The following ASAP1 variants were observed in gnomAD, a reference collection of about 807,000 sequenced individuals.
The protein encoded by ASAP1 is arf-GAP with SH3 domain, ANK repeat and PH domain-containing protein 1.
Under a neutral mutation model 145.2 loss-of-function variants are expected in ASAP1, and 43 were observed. The ratio of observed to expected loss-of-function variants is 0.30; its 90% CI spans 0.23 to 0.38. The LOEUF (loss-of-function observed/expected upper bound fraction) is 0.38, where lower values mean the gene tolerates loss of function less well. ASAP1 is among the 10% of genes least tolerant of loss of function. ASAP1 has a pLI of 1.00. For missense variants in ASAP1, 1,018 were observed against 1,355.3 expected (o/e 0.75, Z 3.91); for synonymous variants, 546 against 515.5 (o/e 1.06, Z -0.80).
At chr8:130,344,549 C>T (rs960580993) in intron 3 of ASAP1, among the ~76,000 whole-genome samples, 4 of 152,166 alleles carry the variant, frequency 2.6e-5, no homozygotes, top group African/African-American at 9.7e-5. Context: ...TGTCGCTCTG[C>T]TATTGCATGT....
At chr8:130,322,738 C>T (rs1043395965) in intron 3 of ASAP1, among the ~76,000 whole-genome samples, 1 of 152,166 alleles carries the variant, frequency 6.6e-6, no homozygotes, top group African/African-American at 2.4e-5. Flanking sequence ...ACAGTCCTTA[C>T]CTAAGTGAGT....
chr8:130,324,865 T>C (rs573215540), intron 3 of ASAP1, among the ~76,000 whole-genome samples: 1 of 152,300 alleles, frequency 6.6e-6, no homozygotes, highest in African/African-American at 2.4e-5. Flanking sequence ...CCTCAGCTAG[T>C]GGCACAGTGC....
At chr8:130,069,126 T>C (rs1480797893) in intron 27 of ASAP1, among the ~76,000 whole-genome samples, 1 of 152,042 alleles carries the variant, frequency 6.6e-6, no homozygotes, top group African/African-American at 2.4e-5. Flanking sequence ...AGGATAAAAC[T>C]AAGAAGAAAA....
chr8:130,243,198 T>C (rs146737386), intron 3 of ASAP1, among the ~76,000 whole-genome samples: 2 of 152,262 alleles, frequency 1.3e-5, no homozygotes, highest in Non-Finnish European at 2.9e-5. Context: ...TCTGATAAGA[T>C]TGATAAAGTA....
At chr8:130,371,008 C>A (rs1827189089) in intron 2 of ASAP1, among the ~76,000 whole-genome samples, 1 of 152,136 alleles carries the variant, frequency 6.6e-6, no homozygotes, top group African/African-American at 2.4e-5. Flanking sequence ...ACACTAAAAA[C>A]CACTGAATTG....
chr8:130,064,659 T>C (rs1379164329), intron 27 of ASAP1, among the ~76,000 whole-genome samples: 10 of 152,018 alleles, frequency 6.6e-5, no homozygotes, highest in African/African-American at 2.2e-4. Flanking sequence ...CCAGGTGTCT[T>C]CCAATCCAAT....
chr8:130,115,561 T>A, intron 23 of ASAP1, 67 bp downstream of exon 23: 2 of 1,219,614 alleles, frequency 1.6e-6, no homozygotes, highest in Non-Finnish European at 2.4e-6. Flanking sequence ...CAAAAATGGA[T>A]CTTGTCTACA....
At chr8:130,134,486 G>A (rs2097589802) in intron 14 of ASAP1, 142 bp from the exon 15 acceptor site, 1 of 482,336 alleles carries the variant, frequency 2.1e-6, no homozygotes, top group Non-Finnish European at 3.6e-6. Flanking sequence ...TATGTGCCAG[G>A]TGCCTTGTGT....
At chr8:130,376,903 C>CAAAAAAAAAAA (rs34006260) in intron 2 of ASAP1, among the ~76,000 whole-genome samples, 1 of 26,004 alleles carries the variant, frequency 3.8e-5, no homozygotes, top group African/African-American at 1.1e-4. Flanking sequence ...AACTCCATCT[C>CAAAAAAAAAAA]AAAAAAAAAA....
intron 3 of ASAP1, among the ~76,000 whole-genome samples, chr8:130,250,802 G>C (rs1466427153): frequency 6.6e-6 from 1 of 152,060 alleles, no homozygotes; most frequent in African/African-American, 2.4e-5. Flanking sequence ...TTCCTACCCT[G>C]TGATTTGTAG....
intron 3 of ASAP1, among the ~76,000 whole-genome samples, chr8:130,273,361 A>G (rs1820694651): frequency 6.6e-6 from 1 of 152,194 alleles, no homozygotes; most frequent in South Asian, 2.1e-4. Flanking sequence ...GGTCCCTCCC[A>G]AGGCAGGGTC....
chr8:130,313,906 TCTC>T (rs971142280), intron 3 of ASAP1, among the ~76,000 whole-genome samples: 2 of 152,102 alleles, frequency 1.3e-5, no homozygotes, highest in African/African-American at 4.8e-5. Context: ...CCCATGCTCT[TCTC>T]CTCTCCCCAC....
intron 1 of ASAP1, among the ~76,000 whole-genome samples, chr8:130,426,441 A>G (rs1348820326): frequency 6.6e-6 from 1 of 150,934 alleles, no homozygotes; most frequent in Non-Finnish European, 1.5e-5. Flanking sequence ...AGCCAAGCTC[A>G]TATCATTCTT....
intron 28 of ASAP1, 38 bp downstream of exon 28, chr8:130,060,541 A>C (rs2135054980): frequency 3.2e-6 from 5 of 1,559,200 alleles, no homozygotes; most frequent in Non-Finnish European, 4.3e-6. Context: ...CAAAGTGCGG[A>C]ATAGGGTTCC....
At chr8:130,391,673 A>G (rs187897098) in intron 2 of ASAP1, among the ~76,000 whole-genome samples, 2 of 152,372 alleles carry the variant, frequency 1.3e-5, no homozygotes, top group African/African-American at 4.8e-5. Context: ...CAATGCATGC[A>G]TGGTTCCCGC....
chr8:130,387,871 G>C (rs1828096517), intron 2 of ASAP1, among the ~76,000 whole-genome samples: 1 of 152,186 alleles, frequency 6.6e-6, no homozygotes, highest in African/African-American at 2.4e-5. Flanking sequence ...CCTGGCACTG[G>C]AGTAACTTTA....
intron 1 of ASAP1, among the ~76,000 whole-genome samples, chr8:130,422,389 G>A (rs1829756056): frequency 6.6e-6 from 1 of 152,122 alleles, no homozygotes; most frequent in South Asian, 2.1e-4. Context: ...TCCAGATGAG[G>A]CCTGACTTTC....
At chr8:130,251,655 G>A (rs553245458) in intron 3 of ASAP1, among the ~76,000 whole-genome samples, 19 of 152,140 alleles carry the variant, frequency 1.2e-4, no homozygotes, top group Admixed American at 1.1e-3. Flanking sequence ...TAGACATATC[G>A]AAGTTGACAT....
At chr8:130,414,877 G>A (rs753837766) in intron 1 of ASAP1, among the ~76,000 whole-genome samples, 11 of 151,702 alleles carry the variant, frequency 7.3e-5, no homozygotes, top group South Asian at 2.1e-4. Context: ...CTGCCTCAGC[G>A]TCCTAAGTAG....
Sources: allele counts gnomAD v4.1 joint callset (sites outside exome capture counted in the v4.1 genomes callset), GRCh38; gene constraint gnomAD v4.1.1; transcripts MANE v1.5; gene names NCBI Gene and HGNC (gene_info 2026-07-23, HGNC 2026-07-21).